The following WDR7 variants were observed in gnomAD, a reference collection of about 807,000 sequenced individuals.
WDR7 encodes WD repeat domain 7.
Under a neutral mutation model 169.4 loss-of-function variants are expected in WDR7, and 46 were observed. The ratio of observed to expected loss-of-function variants is 0.27; its 90% CI spans 0.21 to 0.35. The LOEUF is 0.35. Among genes scored for constraint, WDR7 ranks in the 10% least tolerant of loss-of-function variants. The pLI, the probability that WDR7 is intolerant of heterozygous loss-of-function variation, is 1.00. For synonymous variants in WDR7, 612 were observed against 666.8 expected, an observed-to-expected ratio of 0.92 and a Z score of 1.27; for missense variants, 1,534 against 1,859.3, an observed-to-expected ratio of 0.83 and a Z score of 3.22.
chr18:57,004,767 G>A (rs1289925903), intron 26 of WDR7, among the ~76,000 whole-genome samples: 3 of 152,140 alleles, frequency 2.0e-5, no homozygotes, highest in Admixed American at 6.6e-5. Flanking sequence ...AGTTCTTACA[G>A]TTTCACTCTT....
chr18:56,653,299 C>T (rs934599194), intron 1 of WDR7, among the ~76,000 whole-genome samples: 2 of 152,014 alleles, frequency 1.3e-5, no homozygotes, highest in South Asian at 2.1e-4. Flanking sequence ...CTCCCCATCC[C>T]GGGCTCAAGC....
chr18:56,905,097 C>T (rs1398820267), intron 21 of WDR7, among the ~76,000 whole-genome samples: 1 of 152,058 alleles, frequency 6.6e-6, no homozygotes, highest in Non-Finnish European at 1.5e-5. Context: ...CAATAAGGAA[C>T]TTGTAGACTG....
At chr18:57,020,221 A>G (rs2048268699) in intron 26 of WDR7, among the ~76,000 whole-genome samples, 2 of 152,250 alleles carry the variant, frequency 1.3e-5, no homozygotes, top group African/African-American at 2.4e-5. Flanking sequence ...TTGCAGCTAT[A>G]TACATTTAAA....
chr18:56,685,944 T>A lies in WDR7; in HGVS notation c.521-12T>A. 6.3e-7 allele frequency: 1 copy of A among 1,594,968 alleles called. No individual in the cohort carries two copies. The highest frequency in any genetic ancestry group is 2.3e-5 in the East Asian group (1 of 44,160). ...GTAACCTGGGCTGCTTTTTTGTCCC[T>A]TCTCATTTTAGAGGACACAGTGGTA... On this transcript the variant is annotated splice_polypyrimidine_tract_variant and intron_variant, in intron 5 of 27. Coordinates refer to ENST00000254442, the MANE Select transcript of WDR7 (RefSeq NM_015285.3).
At chr18:56,756,397 T>G (rs1274032078) in intron 14 of WDR7, among the ~76,000 whole-genome samples, 186 bp from the exon 15 acceptor site, 1 of 152,200 alleles carries the variant, frequency 6.6e-6, no homozygotes. Context: ...TTCTTCTAAT[T>G]GTGTAAGCTG....
intron 14 of WDR7, among the ~76,000 whole-genome samples, chr18:56,748,444 G>A (rs2043737590): frequency 6.6e-6 from 1 of 152,028 alleles, no homozygotes. Context: ...TATTATTCAG[G>A]CATTATCCAG....
At chr18:56,962,367 C>A in intron 25 of WDR7, 63 bp from the exon 26 acceptor site, 2 of 1,374,266 alleles carry the variant, frequency 1.5e-6, no homozygotes, top group Non-Finnish European at 2.1e-6. Context: ...TGTCCACTTC[C>A]AAGTGCAGGT....
chr18:57,010,173 T>C lies in WDR7; in HGVS notation c.4165-10572T>C, dbSNP rs893691090. 6.1e-6 allele frequency: 6 copies of C among 985,372 alleles called. No individual in the cohort carries two copies. In the Admixed American group the frequency reaches 3.1e-4, roughly 50 times the overall value. The allele number at this position is 985,372 out of a possible 1,614,324, so 61.0% of individuals were successfully genotyped here. On this transcript the variant is annotated intron_variant, in intron 26 of 27. Transcript: ENST00000254442. ...AGCACAGTATAAGACTTCTAGCATG[T>C]GTTCAAATAGTTTTCTATTAGAAAT...
At chr18:57,034,474 A>G (rs1317456070), downstream of WDR7, 1 of 152,122 alleles carries the variant, frequency 6.6e-6, no homozygotes, top group Non-Finnish European at 1.5e-5. Context: ...GTCCCAAGAA[A>G]ACAGATTCAA....
chr18:56,990,788 G>A (rs985301154), intron 26 of WDR7, among the ~76,000 whole-genome samples: 1 of 152,064 alleles, frequency 6.6e-6, no homozygotes, highest in Non-Finnish European at 1.5e-5. Context: ...TTCTCACCAG[G>A]CTCTCCCCTG....
chr18:56,871,427 C>T (rs2045951820), intron 20 of WDR7, among the ~76,000 whole-genome samples: 2 of 152,066 alleles, frequency 1.3e-5, no homozygotes, highest in South Asian at 4.1e-4. Context: ...TTTTTCTAGT[C>T]ATTTATGTAA....
chr18:56,862,046 T>TCA (rs144584285), intron 20 of WDR7, among the ~76,000 whole-genome samples: 14,773 of 152,066 alleles, frequency 0.097, 1,843 homozygotes, highest in African/African-American at 0.29. Context: ...CTATAAAATT[T>TCA]GTTATGCCTT....
At chr18:56,766,587 G>A (rs1415946649) in intron 16 of WDR7, among the ~76,000 whole-genome samples, 1 of 151,782 alleles carries the variant, frequency 6.6e-6, no homozygotes, top group African/African-American at 2.4e-5. Flanking sequence ...ACAGTGTCTC[G>A]CTATGTTGCC....
chr18:56,959,008 A>G (rs2047297051), intron 25 of WDR7, among the ~76,000 whole-genome samples: 1 of 152,182 alleles, frequency 6.6e-6, no homozygotes, highest in African/African-American at 2.4e-5. Context: ...AGTGATGGAC[A>G]TAATAAAGAA....
chr18:56,897,633 G>A (rs2046347894), intron 21 of WDR7, among the ~76,000 whole-genome samples: 1 of 151,824 alleles, frequency 6.6e-6, no homozygotes, highest in African/African-American at 2.4e-5. Context: ...TTTTTATGTT[G>A]TCACATAAAA....
chr18:57,005,524 T>C (rs1290679677), intron 26 of WDR7, among the ~76,000 whole-genome samples: 1 of 152,110 alleles, frequency 6.6e-6, no homozygotes, highest in Non-Finnish European at 1.5e-5. Context: ...TAATATGAAA[T>C]CTGGAAGACT....
intron 25 of WDR7, among the ~76,000 whole-genome samples, chr18:56,948,874 A>G (rs2145730133): frequency 6.6e-6 from 1 of 152,192 alleles, no homozygotes; most frequent in Non-Finnish European, 1.5e-5. Flanking sequence ...GGATGAGCTG[A>G]CCATTGCTGA....
intron 19 of WDR7, chr18:56,782,205 C>T (rs1015306280): frequency 8.6e-5 from 13 of 152,018 alleles, no homozygotes; most frequent in African/African-American, 2.9e-4. Flanking sequence ...TATTCTTTTG[C>T]AAAATAAAAG....
At chr18:56,671,510 A>G (rs1312787738) in intron 1 of WDR7, among the ~76,000 whole-genome samples, 2 of 152,068 alleles carry the variant, frequency 1.3e-5, no homozygotes, top group Admixed American at 1.3e-4. Flanking sequence ...GACTCAGGTG[A>G]TCCACCCACC....
Sources: allele counts gnomAD v4.1 joint callset (sites outside exome capture counted in the v4.1 genomes callset), GRCh38; gene constraint gnomAD v4.1.1; transcripts MANE v1.5; gene names NCBI Gene and HGNC (gene_info 2026-07-23, HGNC 2026-07-21).